Variants in SHROOM4 observed in about 807,000 individuals in gnomAD.
The protein encoded by SHROOM4 is protein Shroom4.
In SHROOM4, 17 loss-of-function variants were observed where a neutral mutation model predicts 80.3. That is an observed-to-expected ratio of 0.21 (90% CI 0.14 to 0.32). SHROOM4 has a LOEUF of 0.32. SHROOM4 is among the 10% of genes least tolerant of loss of function. SHROOM4 has a pLI of 1.00. For synonymous variants in SHROOM4, 400 were observed against 437.5 expected, an observed-to-expected ratio of 0.91 and a Z score of 1.07; for missense variants, 993 against 1,140.3, an observed-to-expected ratio of 0.87 and a Z score of 1.86.
chrX:50,634,138 T>G lies in SHROOM4; in HGVS notation c.1935A>C (p.Lys645Asn), dbSNP rs376712909. The G allele has an allele frequency of 3.3e-6, 4 of 1,209,105 alleles. No individual in the cohort carries two copies. Among genetic ancestry groups the G allele is most frequent in the Non-Finnish European group, 4.5e-6 (4 of 894,831 alleles). The change falls in exon 4 of 9, where the codon AAA (lysine) becomes AAC (asparagine). Residue 645 changes from lysine to asparagine, a missense_variant. Physicochemically the swap from Lys to Asn is moderately conservative, Grantham distance 94. Coordinates refer to ENST00000376020, the MANE Select transcript of SHROOM4 (RefSeq NM_020717.5). ...AGAGCTTGTCTCTGGGGCTGGGAGG[T>G]TTTTTACATGAAGATAGAAGAGATG... ...SNTSLLSSCK[K>N]PPSPRDKLFN... is the part of the protein sequence containing the mutation.
chrX:50,607,049 G>T (rs1457357791), intron 6 of SHROOM4, among the ~76,000 whole-genome samples: 1 of 109,808 alleles, frequency 9.1e-6, no homozygotes, highest in Non-Finnish European at 1.9e-5. Context: ...ATGCCTTTGG[G>T]ATCAGGGGCC....
intron 1 of SHROOM4, among the ~76,000 whole-genome samples, chrX:50,738,550 G>A (rs1934559721): frequency 9.0e-6 from 1 of 111,172 alleles, no homozygotes; most frequent in Non-Finnish European, 1.9e-5. Context: ...CAAACAGAGA[G>A]CCAAATCATG....
chrX:50,747,472 C>T (rs1037868550), intron 1 of SHROOM4, among the ~76,000 whole-genome samples: 3 of 111,764 alleles, frequency 2.7e-5, no homozygotes, highest in Non-Finnish European at 5.6e-5. Flanking sequence ...GATTACATTC[C>T]AAGCATCTGT....
Position 50,595,125 on chromosome X carries a change from G to A in SHROOM4, c.*1570C>T, listed in dbSNP as rs1557246232. Reference sequence around the variant, plus strand: ...ATGCCAGGCCTTGGCTGGGTTGTGTGATACCAAGGATTGGCCCCAGTTAGT... The same window carrying A: ...ATGCCAGGCCTTGGCTGGGTTGTGTAATACCAAGGATTGGCCCCAGTTAGT... On this transcript the variant is annotated 3_prime_UTR_variant, in exon 9 of 9. Coordinates refer to ENST00000376020, the MANE Select transcript of SHROOM4 (RefSeq NM_020717.5). 1.8e-5 allele frequency: 2 copies of A among 112,633 alleles called. No homozygotes were observed. The highest frequency in any genetic ancestry group is 3.7e-5 in the Non-Finnish European group (2 of 53,344). The allele number at this position is 112,633 out of a possible 1,213,427, so 9.3% of individuals were successfully genotyped here.
chrX:50,720,516 C>T (rs1250530126), intron 1 of SHROOM4, among the ~76,000 whole-genome samples: 2 of 112,497 alleles, frequency 1.8e-5, no homozygotes, highest in South Asian at 3.7e-4. Flanking sequence ...GTGCTTGGCA[C>T]TTACCAATAT....
At chrX:50,607,274 G>A in intron 6 of SHROOM4, 107 bp downstream of exon 6, 1 of 887,841 alleles carries the variant, frequency 1.1e-6, no homozygotes, top group Non-Finnish European at 1.6e-6. Context: ...GCTGGGAGCA[G>A]TTTAACTGGC....
chrX:50,813,145 C>CGGCGGCGGCGGCAGT (rs782571334), intron 1 of SHROOM4, among the ~76,000 whole-genome samples: 174 of 90,771 alleles, frequency 1.9e-3, no homozygotes, highest in African/African-American at 5.8e-3. Context: ...CTGGCGGCGG[C>CGGCGGCGGCGGCAGT]GGCGGCGGCG....
chrX:50,749,992 G>A (rs1003828230), intron 1 of SHROOM4, among the ~76,000 whole-genome samples: 1 of 111,582 alleles, frequency 9.0e-6, no homozygotes, highest in Non-Finnish European at 1.9e-5. Context: ...GGACAACAGG[G>A]AAGCTTCTTG....
At chrX:50,756,778 T>TTA (rs782116779) in intron 1 of SHROOM4, among the ~76,000 whole-genome samples, 4 of 111,929 alleles carry the variant, frequency 3.6e-5, no homozygotes, top group Non-Finnish European at 7.5e-5. Flanking sequence ...TATTTGCCAT[T>TTA]TATATATATT....
chrX:50,790,191 G>T (rs1935826582), intron 1 of SHROOM4, among the ~76,000 whole-genome samples: 1 of 111,004 alleles, frequency 9.0e-6, no homozygotes, highest in Non-Finnish European at 1.9e-5. Context: ...CAACAAACTG[G>T]AAAACTTAGA....
intron 1 of SHROOM4, among the ~76,000 whole-genome samples, chrX:50,744,194 T>C (rs1934727918): frequency 9.0e-6 from 1 of 111,669 alleles, no homozygotes; most frequent in Non-Finnish European, 1.9e-5. Flanking sequence ...GTGACTACAT[T>C]TCTGCCTTTT....
intron 7 of SHROOM4, among the ~76,000 whole-genome samples, chrX:50,600,675 A>G (rs781785935): frequency 8.9e-6 from 1 of 111,822 alleles, no homozygotes; most frequent in South Asian, 3.8e-4. Context: ...AGATGTCCAA[A>G]GTGACCAAGA....
At chrX:50,742,398 A>T (rs1278638111) in intron 1 of SHROOM4, among the ~76,000 whole-genome samples, 1 of 110,575 alleles carries the variant, frequency 9.0e-6, no homozygotes, top group Non-Finnish European at 1.9e-5. Context: ...TACTTCATTC[A>T]ATTTTCCTTA....
intron 1 of SHROOM4, among the ~76,000 whole-genome samples, chrX:50,811,413 C>T (rs1270623959): frequency 2.7e-5 from 3 of 110,285 alleles, no homozygotes; most frequent in African/African-American, 9.9e-5. Context: ...CCAGGTAGGG[C>T]AAGTGATATA....
chrX:50,624,091 T>C (rs993329740), intron 5 of SHROOM4, among the ~76,000 whole-genome samples: 1 of 111,860 alleles, frequency 8.9e-6, no homozygotes, highest in Non-Finnish European at 1.9e-5. Flanking sequence ...TTGTGGTGAT[T>C]GTACATCACT....
rs782530547 is a variant in SHROOM4, at chrX:50,694,543, A to ATTTTTTTTTTTTTTTTTTTTTTTTT, written c.269+1218_269+1242dup. On this transcript the variant is annotated intron_variant, in intron 2 of 8. Coordinates refer to ENST00000376020, the MANE Select transcript of SHROOM4 (RefSeq NM_020717.5). ...AGGTCTTTGCCCATTTTTAAGTTGG[A>ATTTTTTTTTTTTTTTTTTTTTTTTT]TTTTTTTTTTTTTTTTTTTTTTTTT... Among the ~76,000 whole-genome samples, 3 of 12,494 alleles carry ATTTTTTTTTTTTTTTTTTTTTTTTT rather than the reference A, an allele frequency of 2.4e-4. 1 individual carries two copies. Among genetic ancestry groups the ATTTTTTTTTTTTTTTTTTTTTTTTT allele is most frequent in the Non-Finnish European group, 3.8e-4 (3 of 7,949 alleles). 10.8% of individuals were successfully genotyped at this position (12,494 alleles called of 115,157 possible).
chrX:50,685,223 T>C (rs1380325706), intron 2 of SHROOM4, among the ~76,000 whole-genome samples: 1 of 111,771 alleles, frequency 8.9e-6, no homozygotes, highest in Non-Finnish European at 1.9e-5. Flanking sequence ...ACTTGGTGAC[T>C]GCTGGGAATA....
intron 1 of SHROOM4, among the ~76,000 whole-genome samples, chrX:50,719,534 T>C (rs1285582565): frequency 8.9e-6 from 1 of 111,985 alleles, no homozygotes; most frequent in Non-Finnish European, 1.9e-5. Context: ...TCTTTAAATA[T>C]TTACTCTCAG....
chrX:50,599,983 T>C (rs1929317965), intron 7 of SHROOM4, among the ~76,000 whole-genome samples: 1 of 111,296 alleles, frequency 9.0e-6, no homozygotes, highest in Admixed American at 9.6e-5. Flanking sequence ...GTGAGTACAG[T>C]CACAGGGAAG....
Sources: gnomAD v4.1 joint callset for allele counts (sites outside exome capture counted in the v4.1 genomes callset) on GRCh38, gnomAD v4.1.1 for gene constraint, MANE v1.5 for transcripts, NCBI Gene and HGNC (gene_info 2026-07-23, HGNC 2026-07-21) for gene names.